CYP2C18: variants seen among roughly 807,000 people sequenced by gnomAD.
CYP2C18 encodes cytochrome P450 family 2 subfamily C member 18, also known as cytochrome P450 2C18.
In CYP2C18, 38 loss-of-function variants were observed where a neutral mutation model predicts 41.3. The observed-to-expected ratio is 0.92, with a 90% CI of 0.71 to 1.21. The LOEUF (loss-of-function observed/expected upper bound fraction) is 1.21, where lower values mean the gene tolerates loss of function less well. CYP2C18 is among the 50% of genes most tolerant of loss of function. The pLI, the probability that CYP2C18 is intolerant of heterozygous loss-of-function variation, is 0.00. For missense variants in CYP2C18, 635 were observed against 591.4 expected (o/e 1.07, Z -0.77); for synonymous variants, 236 against 210.0 (o/e 1.12, Z -1.07).
chr10:94,735,162 T>A, intron 8 of CYP2C18, 101 bp from the exon 9 acceptor site: 2 of 1,199,452 alleles, frequency 1.7e-6, no homozygotes, highest in East Asian at 4.8e-5. Context: ...CTTCGATCCA[T>A]CCATCTATTT....
chr10:94,728,764 AT>A (rs1847784350), intron 7 of CYP2C18: 1 of 191,270 alleles, frequency 5.2e-6, no homozygotes, highest in Non-Finnish European at 9.6e-6. Flanking sequence ...CAAAAGTTTT[AT>A]TGGAGATAGA....
chr10:94,699,274 A>G (rs1215646317), intron 4 of CYP2C18, among the ~76,000 whole-genome samples: 1 of 152,228 alleles, frequency 6.6e-6, no homozygotes, highest in Non-Finnish European at 1.5e-5. Context: ...CAAAAAGCTT[A>G]TCCACTATGA....
intron 5 of CYP2C18, among the ~76,000 whole-genome samples, chr10:94,716,748 G>A (rs1847553039): frequency 6.6e-6 from 1 of 152,120 alleles, no homozygotes; most frequent in Admixed American, 6.6e-5. Flanking sequence ...TTAACTTTCT[G>A]TCTCCTTGAT....
In CYP2C18 at chr10:94,720,474, GAGACAACGAGCACCACTCTGAGA is replaced by G; in HGVS notation, c.899_921del (p.Glu300ValfsTer15). ...AACTGATATGTTTGGGGCTGGAACA[GAGACAACGAGCACCACTCTGAGA>G]TATGGACTCCTGCTCCTGCTGAAGT... is the stretch of plus-strand genomic sequence containing the variant. On this transcript the variant is annotated frameshift_variant, in exon 6 of 9. Transcript: ENST00000285979. LOFTEE classifies it high-confidence loss of function. The G allele has an allele frequency of 6.2e-7, 1 of 1,613,460 alleles. No homozygotes were observed. The highest frequency in any genetic ancestry group is 8.5e-7 in the Non-Finnish European group (1 of 1,179,586).
intron 4 of CYP2C18, among the ~76,000 whole-genome samples, chr10:94,696,270 C>T (rs1483373357): frequency 6.6e-6 from 1 of 152,134 alleles, no homozygotes; most frequent in Non-Finnish European, 1.5e-5. Context: ...CTGGGTACTC[C>T]TCTGAGACAA....
At chr10:94,710,024 G>C (rs1425309672) in intron 5 of CYP2C18, among the ~76,000 whole-genome samples, 1 of 151,998 alleles carries the variant, frequency 6.6e-6, no homozygotes, top group Non-Finnish European at 1.5e-5. Context: ...TGGTTGCCTA[G>C]GCTATAGTGC....
chr10:94,701,010 C>T (rs549414577), intron 4 of CYP2C18, among the ~76,000 whole-genome samples: 23 of 152,310 alleles, frequency 1.5e-4, no homozygotes, highest in African/African-American at 5.3e-4. Flanking sequence ...TACAGTTTTA[C>T]ACTGTTGGTG....
intron 5 of CYP2C18, 44 bp downstream of exon 5, chr10:94,707,004 A>T (rs1162662414): frequency 6.4e-7 from 1 of 1,550,554 alleles, no homozygotes; most frequent in South Asian, 1.2e-5. Context: ...TTCATTGATT[A>T]GTTCTATAAC....
At chr10:94,701,452 C>T (rs1459782647) in intron 4 of CYP2C18, among the ~76,000 whole-genome samples, 2 of 151,906 alleles carry the variant, frequency 1.3e-5, no homozygotes, top group South Asian at 2.1e-4. Context: ...GGGAACATCA[C>T]ACACTGGGGC....
At chr10:94,707,954 T>C (rs114452245) in intron 5 of CYP2C18, among the ~76,000 whole-genome samples, 3,842 of 152,206 alleles carry the variant, frequency 0.025, 146 homozygotes, top group African/African-American at 0.075. Flanking sequence ...ATATAGATGC[T>C]TCAGGACACT....
chr10:94,692,047 G>A (rs1468690549), intron 3 of CYP2C18, among the ~76,000 whole-genome samples: 1 of 152,124 alleles, frequency 6.6e-6, no homozygotes, highest in Non-Finnish European at 1.5e-5. Flanking sequence ...AGACTTAAAT[G>A]TTAGACGTAA....
intron 5 of CYP2C18, among the ~76,000 whole-genome samples, chr10:94,709,563 T>G (rs1322976169): frequency 1.3e-5 from 2 of 152,214 alleles, no homozygotes; most frequent in African/African-American, 4.8e-5. Context: ...GTCTTTCACT[T>G]TCTTAACAGT....
intron 4 of CYP2C18, 99 bp from the exon 5 acceptor site, chr10:94,706,685 A>G (rs1290188767): frequency 1.6e-6 from 1 of 645,110 alleles, no homozygotes; most frequent in Non-Finnish European, 2.6e-6. Flanking sequence ...GAGGGAGATA[A>G]TTTTTAAAAA....
chr10:94,687,708 G>T, intron 1 of CYP2C18, 62 bp from the exon 2 acceptor site: 4 of 1,397,934 alleles, frequency 2.9e-6, no homozygotes, highest in Non-Finnish European at 3.0e-6. Flanking sequence ...TCTGAATCAC[G>T]GACAATATAT....
intron 3 of CYP2C18, among the ~76,000 whole-genome samples, chr10:94,692,431 C>T (rs1847020303): frequency 6.6e-6 from 1 of 151,646 alleles, no homozygotes. Context: ...TGCTCATCAT[C>T]ACTGGCCATC....
At chr10:94,690,976 C>T (rs542394935) in intron 3 of CYP2C18, among the ~76,000 whole-genome samples, 11 of 104,506 alleles carry the variant, frequency 1.1e-4, no homozygotes, top group African/African-American at 3.4e-4. Flanking sequence ...ATTCAACAAC[C>T]CTTCATGCTA....
intron 5 of CYP2C18, among the ~76,000 whole-genome samples, chr10:94,716,547 A>C (rs767157456): frequency 7.8e-4 from 119 of 152,240 alleles, no homozygotes; most frequent in Non-Finnish European, 1.6e-3. Flanking sequence ...TCTGAGAGAC[A>C]GTTTGTTATA....
chr10:94,698,895 C>A (rs1397002379), intron 4 of CYP2C18, among the ~76,000 whole-genome samples: 1 of 152,150 alleles, frequency 6.6e-6, no homozygotes, highest in Non-Finnish European at 1.5e-5. Flanking sequence ...AGAATAAATT[C>A]CTCGACACAT....
At chr10:94,734,460 A>G (rs1444344464) in intron 8 of CYP2C18, among the ~76,000 whole-genome samples, 2 of 152,196 alleles carry the variant, frequency 1.3e-5, no homozygotes, top group East Asian at 1.9e-4. Flanking sequence ...CCGGTGATCT[A>G]TGCTCCAGTG....
Sources: gnomAD v4.1 joint callset for allele counts (sites outside exome capture counted in the v4.1 genomes callset) on GRCh38, gnomAD v4.1.1 for gene constraint, MANE v1.5 for transcripts, NCBI Gene and HGNC (gene_info 2026-07-23, HGNC 2026-07-21) for gene names.